The following ZHX2 variants were observed in gnomAD, a reference collection of about 807,000 sequenced individuals.
The protein encoded by ZHX2 is zinc fingers and homeoboxes 2.
A neutral mutation model predicts 21.9 loss-of-function variants in ZHX2; 6 were observed. That is an observed-to-expected ratio of 0.27 (90% confidence interval 0.15 to 0.54). ZHX2 has a LOEUF of 0.54. Among genes scored for constraint, ZHX2 ranks in the 20% least tolerant of loss-of-function variants. The probability of loss-of-function intolerance (pLI) is 0.95; values close to 1 mark genes in which losing one functional copy is unlikely to be tolerated. For missense variants in ZHX2, 908 were observed against 1,090.7 expected, an observed-to-expected ratio of 0.83 and a Z score of 2.36; for synonymous variants, 434 against 437.1, an observed-to-expected ratio of 0.99 and a Z score of 0.09.
At chr8:122,880,434 A>C (rs1353322141) in intron 2 of ZHX2, among the ~76,000 whole-genome samples, 1 of 151,950 alleles carries the variant, frequency 6.6e-6, no homozygotes, top group Non-Finnish European at 1.5e-5. Context: ...CAGCAAGAAC[A>C]CTGGAAATAC....
At chr8:122,811,164 G>A (rs569842103) in intron 1 of ZHX2, among the ~76,000 whole-genome samples, 1 of 152,174 alleles carries the variant, frequency 6.6e-6, no homozygotes, top group East Asian at 1.9e-4. Flanking sequence ...TGGATTGCCT[G>A]AGCTCAGGAG....
At chr8:122,882,287 T>G in intron 2 of ZHX2, among the ~76,000 whole-genome samples, 1 of 151,964 alleles carries the variant, frequency 6.6e-6, no homozygotes, top group Middle Eastern at 3.2e-3. Context: ...TAGCCTCTAC[T>G]TGCATTGTTC....
At chr8:122,865,264 G>T (rs1229228715) in intron 2 of ZHX2, among the ~76,000 whole-genome samples, 2 of 152,056 alleles carry the variant, frequency 1.3e-5, no homozygotes, top group African/African-American at 4.8e-5. Context: ...GAGTAGCTGG[G>T]ACTACAGGTG....
At chr8:122,802,337 A>G (rs550194653) in intron 1 of ZHX2, among the ~76,000 whole-genome samples, 34 of 152,166 alleles carry the variant, frequency 2.2e-4, no homozygotes, top group Non-Finnish European at 7.3e-5. Flanking sequence ...TGCGGGGGTT[A>G]GAGGCGTGAG....
At chr8:122,968,017 T>G (rs568463203) in intron 3 of ZHX2, among the ~76,000 whole-genome samples, 3 of 151,996 alleles carry the variant, frequency 2.0e-5, no homozygotes, top group African/African-American at 7.2e-5. Flanking sequence ...TCATGTTAGT[T>G]TCTTTATTTA....
intron 1 of ZHX2, among the ~76,000 whole-genome samples, chr8:122,786,584 C>T (rs541008822): frequency 5.2e-4 from 79 of 152,276 alleles, no homozygotes; most frequent in African/African-American, 1.7e-3. Flanking sequence ...AACAAATCAC[C>T]GTCATCACTG....
At chr8:122,883,506 A>G (rs927506451) in intron 2 of ZHX2, among the ~76,000 whole-genome samples, 3 of 152,174 alleles carry the variant, frequency 2.0e-5, no homozygotes, top group Non-Finnish European at 2.9e-5. Context: ...GGCAATATGG[A>G]ACACACTTAT....
At chr8:122,780,388 C>T (rs371315894), upstream of ZHX2, 1 of 152,414 alleles carries the variant, frequency 6.6e-6, no homozygotes, top group African/African-American at 2.4e-5. Context: ...TGTTTTCTCG[C>T]TGCGCTCGAA....
chr8:122,879,218 T>G (rs1017630037), intron 2 of ZHX2, among the ~76,000 whole-genome samples: 9 of 151,896 alleles, frequency 5.9e-5, no homozygotes, highest in African/African-American at 2.2e-4. Flanking sequence ...TTGTTTTGGG[T>G]TTTTTTTGAG....
At chr8:122,811,898 A>T (rs1333802386) in intron 1 of ZHX2, 2 of 152,180 alleles carry the variant, frequency 1.3e-5, no homozygotes, top group Non-Finnish European at 2.9e-5. Context: ...CTATCTATTG[A>T]TCACCTGTTT....
At chr8:122,943,868 C>T (rs925753133) in intron 2 of ZHX2, among the ~76,000 whole-genome samples, 2 of 152,234 alleles carry the variant, frequency 1.3e-5, no homozygotes, top group Non-Finnish European at 2.9e-5. Flanking sequence ...TTGACCCTCC[C>T]TTGCCTGCAG....
chr8:122,852,458 C>T (rs1370052751), intron 1 of ZHX2, among the ~76,000 whole-genome samples: 1 of 152,102 alleles, frequency 6.6e-6, no homozygotes, highest in African/African-American at 2.4e-5. Flanking sequence ...TAATAGTAGT[C>T]ACCGAGACAC....
rs1039411092 is a variant in ZHX2, at chr8:122,782,604, C to T, written c.-283+658C>T. 6.6e-6 allele frequency among the ~76,000 whole-genome samples: 1 copy of T among 152,198 alleles called. No individual in the cohort carries two copies. The highest frequency in any genetic ancestry group is 2.1e-4 in the South Asian group (1 of 4,836). ...CGTGGGCCGAGGCTGCCTCTGCTCT[C>T]GTCGCTCCCGGCGGCTGCAGGCAGC... is the stretch of plus-strand genomic sequence containing the variant. On this transcript the variant is annotated intron_variant, in intron 1 of 3. Coordinates refer to ENST00000314393, the MANE Select transcript of ZHX2 (RefSeq NM_014943.5). The surrounding 1 kb of genome is among the most constrained non-coding windows in gnomAD (Gnocchi z 5.3).
chr8:122,905,417 A>G (rs1350689609), intron 2 of ZHX2, among the ~76,000 whole-genome samples: 1 of 152,228 alleles, frequency 6.6e-6, no homozygotes, highest in Non-Finnish European at 1.5e-5. Flanking sequence ...TCCTATATCC[A>G]TCAAAAACTA....
rs1009592336 is a variant in ZHX2, at chr8:122,974,275, T to C, written c.*1038T>C. 1.3e-4 allele frequency: 20 copies of C among 152,526 alleles called. No homozygotes were observed. The highest frequency in any genetic ancestry group is 3.6e-4 in the African/African-American group (15 of 41,404). 9.4% of individuals were successfully genotyped at this position (152,526 alleles called of 1,614,324 possible). On this transcript the variant is annotated 3_prime_UTR_variant, in exon 4 of 4. Transcript: ENST00000314393. ...GTGTTTGTTTTGGGACAATTTTAGA[T>C]ACCTGAGTGCACTTTTTCAGTTAGT...
At chr8:122,944,121 C>G (rs897445790) in intron 2 of ZHX2, among the ~76,000 whole-genome samples, 1 of 152,304 alleles carries the variant, frequency 6.6e-6, no homozygotes, top group African/African-American at 2.4e-5. Context: ...TTCTACTCCC[C>G]CTTTGAAGCC....
chr8:122,822,820 G>A (rs533868616), intron 1 of ZHX2, among the ~76,000 whole-genome samples: 6 of 152,304 alleles, frequency 3.9e-5, no homozygotes, highest in Admixed American at 6.5e-5. Flanking sequence ...GGAGCCCGGC[G>A]GATGGTGAGT....
chr8:122,941,006 G>C (rs1812830370), intron 2 of ZHX2, among the ~76,000 whole-genome samples: 1 of 151,246 alleles, frequency 6.6e-6, no homozygotes, highest in Non-Finnish European at 1.5e-5. Flanking sequence ...GAGGCAGGGG[G>C]ATCACTTGAG....
At chr8:122,811,887 A>G (rs889469078) in intron 1 of ZHX2, 2 of 152,172 alleles carry the variant, frequency 1.3e-5, no homozygotes, top group African/African-American at 2.4e-5. Flanking sequence ...TAAATCACCA[A>G]CTATCTATTG....
Sources: gnomAD v4.1 joint callset for allele counts (sites outside exome capture counted in the v4.1 genomes callset) on GRCh38, gnomAD v4.1.1 for gene constraint, Gnocchi (gnomAD v3.1) non-coding constraint, MANE v1.5 for transcripts, NCBI Gene and HGNC (gene_info 2026-07-23, HGNC 2026-07-21) for gene names.